The following PKD1L3 variants were observed in gnomAD, a reference collection of about 807,000 sequenced individuals.
PKD1L3 encodes the protein polycystin-1-like protein 3.
A neutral mutation model predicts 184.1 loss-of-function variants in PKD1L3; 239 were observed. The observed-to-expected ratio is 1.30, with a 90% CI of 1.17 to 1.45. PKD1L3 has a LOEUF of 1.45. Among genes scored for constraint, PKD1L3 ranks in the 40% most tolerant of loss-of-function variants. The pLI is 0.00. For missense variants in PKD1L3, 2,660 were observed against 2,067.2 expected, an observed-to-expected ratio of 1.29 and a Z score of -5.56; for synonymous variants, 996 against 778.8, an observed-to-expected ratio of 1.28 and a Z score of -4.64.
rs376503172 is a variant in PKD1L3 at position 71,969,385 on chromosome 16, G to C, written c.2184+490C>G. On this transcript the variant is annotated intron_variant, in intron 13 of 29. Transcript: ENST00000620267. Reference sequence around the variant, plus strand: ...TAAAATGGCACAATAGCTCACTGCAGCTTCAAGGCTCCTGGGCTCAAGCGA... The same window carrying C: ...TAAAATGGCACAATAGCTCACTGCACCTTCAAGGCTCCTGGGCTCAAGCGA... Among the ~76,000 whole-genome samples the C allele has an allele frequency of 1.9e-4, 29 of 151,590 alleles. 1 individual carries two copies. Among genetic ancestry groups the C allele is most frequent in the Admixed American group, 9.9e-4 (15 of 15,228 alleles).
At chr16:71,988,705 AAACT>A (rs2143824196) in intron 4 of PKD1L3, among the ~76,000 whole-genome samples, 1 of 152,356 alleles carries the variant, frequency 6.6e-6, no homozygotes, top group Admixed American at 6.5e-5. Context: ...CCTGAGAATT[AAACT>A]AACATAAGAT....
chr16:71,943,882 T>G, intron 23 of PKD1L3, 148 bp downstream of exon 23: 1 of 966,072 alleles, frequency 1.0e-6, no homozygotes, highest in East Asian at 2.6e-5. Flanking sequence ...CCATCCCACC[T>G]GCTTTACTGG....
At chr16:71,985,747 T>C (rs2040334037) in intron 5 of PKD1L3, among the ~76,000 whole-genome samples, 1 of 152,180 alleles carries the variant, frequency 6.6e-6, no homozygotes, top group Non-Finnish European at 1.5e-5. Flanking sequence ...TTTTGAACTT[T>C]AGTAGAGAAA....
rs375654101 is a variant in PKD1L3 at position 71,969,707 on chromosome 16, G to A, written c.2184+168C>T. Among the ~76,000 whole-genome samples, 55 of 152,212 alleles carry A rather than the reference G, an allele frequency of 3.6e-4. No homozygotes were observed. The South Asian group carries it at 0.011, about 31-fold the overall frequency. ...AAAAAATAGAGAGAAAAAGTTCTCA[G>A]GTCTTGAGTCAGCAGACACGAAGAT... On this transcript the variant is annotated intron_variant, in intron 13 of 29. Transcript: ENST00000620267.
intron 16 of PKD1L3, among the ~76,000 whole-genome samples, chr16:71,954,546 A>G (rs2038973980): frequency 6.6e-6 from 1 of 152,188 alleles, no homozygotes; most frequent in East Asian, 1.9e-4. Context: ...GATAATTTAT[A>G]TGCTATGCGA....
At chr16:71,982,711 C>G (rs142792199) in intron 6 of PKD1L3, among the ~76,000 whole-genome samples, 1 of 152,124 alleles carries the variant, frequency 6.6e-6, no homozygotes. Context: ...ATCCTCCTTC[C>G]TCAGCCTCCC....
In PKD1L3 at chr16:71,969,860, T is replaced by C; in HGVS notation, c.2184+15A>G. ...AAACATCATGGCAAATCTGTTGAAA[T>C]CAAAGTCTCATTACCTTCTGCATAT... On this transcript the variant is annotated intron_variant, in intron 13 of 29. Coordinates refer to ENST00000620267, the MANE Select transcript of PKD1L3 (RefSeq NM_181536.2). The C allele has an allele frequency of 6.5e-7, 1 of 1,531,592 alleles. No homozygotes were observed. Among genetic ancestry groups the C allele is most frequent in the Non-Finnish European group, 8.8e-7 (1 of 1,132,772 alleles). The allele number at this position is 1,531,592 out of a possible 1,614,324, so 94.9% of individuals were successfully genotyped here. A position where few individuals can be genotyped will look rare whatever the true frequency, so the allele number is the denominator to read the frequency against.
chr16:71,976,797 C>T (rs976643370), intron 11 of PKD1L3, among the ~76,000 whole-genome samples: 1 of 152,110 alleles, frequency 6.6e-6, no homozygotes, highest in Non-Finnish European at 1.5e-5. Flanking sequence ...GGCTGGAGTG[C>T]AGTGGCACGG....
Position 71,956,602 on chromosome 16 carries a change from T to A in PKD1L3, c.2613-2301A>T, listed in dbSNP as rs552133326. 2.0e-4 allele frequency among the ~76,000 whole-genome samples: 31 copies of A among 152,310 alleles called. 1 individual carries two copies. The South Asian group carries it at 5.8e-3, about 29-fold the overall frequency. ...CAGACAAATACTGTATGGTTCTGCT[T>A]ACATGAGGAATGTGAAGTAATGAAA... On this transcript the variant is annotated intron_variant, in intron 16 of 29. Coordinates refer to ENST00000620267, the MANE Select transcript of PKD1L3 (RefSeq NM_181536.2).
At position 71,996,551 on chromosome 16, in the gene PKD1L3, T is replaced by C. The variant is rs190865718; in HGVS notation, c.418+1721A>G. Among the ~76,000 whole-genome samples the C allele has an allele frequency of 3.9e-3, 593 of 152,268 alleles. 1 individual carries two copies. The highest frequency in any genetic ancestry group is 5.9e-3 in the Non-Finnish European group (402 of 68,014). ...CTGGGATTACAGGCATGAGCCACTGTGCCTGGCCCACATTGTCCTTTTATA... is the reference window on the plus strand; with the variant it reads ...CTGGGATTACAGGCATGAGCCACTGCGCCTGGCCCACATTGTCCTTTTATA... On this transcript the variant is annotated intron_variant, in intron 2 of 29. Coordinates refer to ENST00000620267, the MANE Select transcript of PKD1L3 (RefSeq NM_181536.2).
At chr16:71,991,939 C>A (rs781217410) in intron 3 of PKD1L3, among the ~76,000 whole-genome samples, 6 of 152,200 alleles carry the variant, frequency 3.9e-5, no homozygotes, top group Non-Finnish European at 8.8e-5. Context: ...TCCTGAGTAG[C>A]TGAGACTATA....
intron 25 of PKD1L3, among the ~76,000 whole-genome samples, chr16:71,936,606 G>A (rs148306785): frequency 0.039 from 5,534 of 142,468 alleles, 309 homozygotes; most frequent in African/African-American, 0.13. Flanking sequence ...TGCAACCTCC[G>A]CCTCCCGAGC....
At position 71,986,246 on chromosome 16, in the gene PKD1L3, ACTTG is replaced by A; in HGVS notation, c.805_808del (p.Gln269CysfsTer11). On this transcript the variant is annotated frameshift_variant, in exon 5 of 30. Coordinates refer to ENST00000620267, the MANE Select transcript of PKD1L3 (RefSeq NM_181536.2). LOFTEE classifies it high-confidence loss of function. ...CTGACCAGATGCCTTCTGCAATGAC[ACTTG>A]TAGATAAGAGGTGAAGGTATTCGGA... 1 of 1,552,340 alleles carries A rather than the reference ACTTG, an allele frequency of 6.4e-7. No individual in the cohort carries two copies. The highest frequency in any genetic ancestry group is 1.2e-5 in the South Asian group (1 of 84,056).
intron 11 of PKD1L3, 130 bp downstream of exon 11, chr16:71,977,106 A>G: frequency 1.4e-6 from 1 of 713,152 alleles, no homozygotes; most frequent in Non-Finnish European, 2.3e-6. Context: ...CCAGCTACTT[A>G]AGAGGCTAAG....
In PKD1L3 at chr16:71,951,669, T is replaced by C; in HGVS notation, c.3085A>G (p.Ser1029Gly). 1.3e-6 allele frequency: 2 copies of C among 1,551,682 alleles called. No homozygotes were observed. The highest frequency in any genetic ancestry group is 1.7e-6 in the Non-Finnish European group (2 of 1,146,960). The change falls in exon 19 of 30, where the codon AGT becomes GGT. Residue 1029 changes from serine (S) to glycine (G), a missense_variant. Ser to Gly is a moderately conservative substitution (Grantham distance 56). Coordinates refer to ENST00000620267, the MANE Select transcript of PKD1L3 (RefSeq NM_181536.2). ...ACCAGCTTAGTAATGTCCCAAGAACTCCATGGCGGCTGCTCACACTTGGAG... is the reference window on the plus strand; with the variant it reads ...ACCAGCTTAGTAATGTCCCAAGAACCCCATGGCGGCTGCTCACACTTGGAG... ...LLSKCEQPPW[S>G]SWDITKLVKL...
rs144038021 is a variant in PKD1L3 at position 71,942,551 on chromosome 16, T to C, written c.4324+9A>G. 1.3e-6 allele frequency: 2 copies of C among 1,547,074 alleles called. No individual in the cohort carries two copies. The highest frequency in any genetic ancestry group is 4.9e-5 in the East Asian group (2 of 40,868). On this transcript the variant is annotated intron_variant, in intron 24 of 29. Coordinates refer to ENST00000620267, the MANE Select transcript of PKD1L3 (RefSeq NM_181536.2). The stretch of plus-strand genomic sequence containing the variant: ...CGTGTGGTTGAATTCCAGGGGTCAC[T>C]CCAGTTACCTCTCATGATGTAACTG...
intron 21 of PKD1L3, among the ~76,000 whole-genome samples, 192 bp downstream of exon 21, chr16:71,949,591 A>C (rs1389932647): frequency 6.6e-6 from 1 of 151,992 alleles, no homozygotes; most frequent in Non-Finnish European, 1.5e-5. Context: ...GGACTCAAGC[A>C]ATCTGCCTGC....
chr16:71,979,985 C>G (rs2143730485), intron 8 of PKD1L3, 22 bp downstream of exon 8: 1 of 1,551,160 alleles, frequency 6.4e-7, no homozygotes, highest in African/African-American at 1.4e-5. Context: ...TGAAACTCTC[C>G]CCGTTCCTTC....
At position 71,945,496 on chromosome 16, in the gene PKD1L3, T is replaced by C. The variant is rs1300242870; in HGVS notation, c.3719-1326A>G. On this transcript the variant is annotated intron_variant, in intron 22 of 29. Transcript: ENST00000620267. The stretch of plus-strand genomic sequence containing the variant: ...GAGTTCAAGACCAGCCTGGCCAATA[T>C]GGGAAAAACTTGTCTCTACTAAAAA... Among the ~76,000 whole-genome samples the C allele has an allele frequency of 2.7e-5, 4 of 150,800 alleles. No homozygotes were observed. In the East Asian group the frequency reaches 5.8e-4, roughly 22 times the overall value.
Sources: gnomAD v4.1 joint callset for allele counts (sites outside exome capture counted in the v4.1 genomes callset) on GRCh38, gnomAD v4.1.1 for gene constraint, MANE v1.5 for transcripts, NCBI Gene and HGNC (gene_info 2026-07-23, HGNC 2026-07-21) for gene names.